The following TSEN2 variants were observed in gnomAD, a reference collection of about 807,000 sequenced individuals.
TSEN2 encodes tRNA-splicing endonuclease subunit Sen2.
In TSEN2, 54 loss-of-function variants were observed where a neutral mutation model predicts 59.2. The observed-to-expected ratio is 0.91, with a 90% CI of 0.73 to 1.14. TSEN2 has a LOEUF of 1.14. Among genes scored for constraint, TSEN2 ranks in the 50% most tolerant of loss-of-function variants. The pLI is 0.00. For synonymous variants in TSEN2, 195 were observed against 198.2 expected, an observed-to-expected ratio of 0.98 and a Z score of 0.14; for missense variants, 636 against 576.2, an observed-to-expected ratio of 1.10 and a Z score of -1.06.
downstream of TSEN2, among the ~76,000 whole-genome samples, chr3:12,536,033 C>T (rs1461659310): frequency 6.6e-6 from 1 of 152,208 alleles, no homozygotes; most frequent in Non-Finnish European, 1.5e-5. Context: ...AGTAGGTGTA[C>T]TTTTCCCCTT....
intron 1 of TSEN2, among the ~76,000 whole-genome samples, chr3:12,487,972 C>T (rs896172755): frequency 3.9e-5 from 6 of 152,120 alleles, no homozygotes; most frequent in South Asian, 4.1e-4. Flanking sequence ...TCCAACTTCC[C>T]GATTCTTCTT....
chr3:12,520,970 G>T (rs751860218), intron 8 of TSEN2, among the ~76,000 whole-genome samples: 14 of 152,090 alleles, frequency 9.2e-5, no homozygotes, highest in Non-Finnish European at 1.9e-4. Context: ...CCCAGCGTCT[G>T]TTGTTCCCTT....
intron 2 of TSEN2, among the ~76,000 whole-genome samples, chr3:12,491,729 G>C (rs892255367): frequency 7.9e-5 from 12 of 152,182 alleles, no homozygotes; most frequent in Non-Finnish European, 1.5e-4. Flanking sequence ...CGAACCTCTT[G>C]TTAACTCAGA....
downstream of TSEN2, among the ~76,000 whole-genome samples, chr3:12,536,115 G>T (rs1376501593): frequency 6.6e-6 from 1 of 152,190 alleles, no homozygotes; most frequent in East Asian, 1.9e-4. Flanking sequence ...GCCCTGGTAG[G>T]TGAGTCAGTG....
At chr3:12,526,114 G>A (rs1419038783) in intron 8 of TSEN2, among the ~76,000 whole-genome samples, 2 of 152,084 alleles carry the variant, frequency 1.3e-5, no homozygotes, top group South Asian at 2.1e-4. Context: ...CAAGGCGAAC[G>A]GATCCTTTGA....
chr3:12,517,591 A>G (rs2056262897), intron 7 of TSEN2, among the ~76,000 whole-genome samples: 1 of 152,230 alleles, frequency 6.6e-6, no homozygotes, highest in African/African-American at 2.4e-5. Flanking sequence ...TAAATGGAGC[A>G]GATAAGGTAT....
intron 10 of TSEN2, chr3:12,531,292 T>C (rs915596974): frequency 1.0e-5 from 4 of 385,616 alleles, no homozygotes; most frequent in African/African-American, 8.2e-5. Flanking sequence ...TCAAGGACAT[T>C]TGAGGACTTA....
chr3:12,526,902 A>T (rs2057128678), intron 8 of TSEN2, among the ~76,000 whole-genome samples: 1 of 152,194 alleles, frequency 6.6e-6, no homozygotes, highest in African/African-American at 2.4e-5. Context: ...TGGATTAAAG[A>T]TGTGTGTTTG....
rs749905035 is a variant in TSEN2, at chr3:12,530,453, C to G, written c.1248+580C>G. 1,277 of 985,464 alleles carry G rather than the reference C, an allele frequency of 1.3e-3. 1 individual carries two copies. Among genetic ancestry groups the G allele is most frequent in the Admixed American group, 2.2e-3 (35 of 16,270 alleles). 61.0% of individuals were successfully genotyped at this position (985,464 alleles called of 1,614,324 possible). On this transcript the variant is annotated intron_variant, in intron 10 of 11. Coordinates refer to ENST00000284995, the MANE Select transcript of TSEN2 (RefSeq NM_025265.4). The stretch of plus-strand genomic sequence containing the variant: ...TCCCTGGCTTTTGTTTCACTATATC[C>G]TTCGTGTTGCCATCAGAGATAGGAG...
rs1023588415 is a variant in TSEN2, at chr3:12,489,894, G to T, written c.94G>T (p.Gly32Cys). The T allele has an allele frequency of 1.9e-6, 3 of 1,614,084 alleles. No homozygotes were observed. Among genetic ancestry groups the T allele is most frequent in the Admixed American group, 1.7e-5 (1 of 60,022 alleles). Residue 32 changes from glycine to cysteine, a missense_variant, in exon 2 of 12, where the codon GGT becomes TGT. Physicochemically the swap from Gly to Cys is radical, Grantham distance 159. Coordinates refer to ENST00000284995, the MANE Select transcript of TSEN2 (RefSeq NM_025265.4). ...GCCAATCCCTTTTGGTCAGGACCAT[G>T]GTCCTCTGAAAGAATTCAAGATATT... ...PLPIPFGQDH[G>C]PLKEFKIFRA...
At chr3:12,529,075 C>T in intron 9 of TSEN2, 151 bp downstream of exon 9, 1 of 755,418 alleles carries the variant, frequency 1.3e-6, no homozygotes, top group South Asian at 1.4e-5. Context: ...TCCTTACACA[C>T]TAATGTCATT....
At chr3:12,519,010 G>A (rs931235425) in intron 7 of TSEN2, 49 bp from the exon 8 acceptor site, 1 of 1,600,598 alleles carries the variant, frequency 6.2e-7, no homozygotes, top group Non-Finnish European at 8.6e-7. Context: ...TGAACGGAGA[G>A]TGAATGCATA....
Position 12,519,066 on chromosome 3 carries a change from T to C in TSEN2, c.968T>C (p.Leu323Ser). The change falls in exon 8 of 12, where the codon TTA becomes TCA. Residue 323 changes from leucine (L) to serine (S), a missense_variant. Coordinates refer to ENST00000284995, the MANE Select transcript of TSEN2 (RefSeq NM_025265.4). ...CLSIYYEKEP[L>S]TIVKLWKAFT... is the part of the protein sequence containing the mutation. ...TTTTGTAAATAACTTTAGGAGCCTT[T>C]AACGATAGTGAAGCTCTGGAAAGCT... 6.2e-7 allele frequency: 1 copy of C among 1,614,220 alleles called. No individual in the cohort carries two copies. The highest frequency in any genetic ancestry group is 8.5e-7 in the Non-Finnish European group (1 of 1,180,040).
At position 12,503,716 on chromosome 3, in the gene TSEN2, C is replaced by T. The variant is rs1239271273; in HGVS notation, c.763C>T (p.His255Tyr). 1.2e-6 allele frequency: 2 copies of T among 1,613,940 alleles called. No individual in the cohort carries two copies. The highest frequency in any genetic ancestry group is 1.7e-6 in the Non-Finnish European group (2 of 1,179,912). Residue 255 changes from histidine (H) to tyrosine (Y), a missense_variant, in exon 5 of 12, where the codon CAT becomes TAT. His to Tyr is a moderately conservative substitution (Grantham distance 83). Transcript: ENST00000284995. ...LLHPGDRGPD[H>Y]EYVLVEEAEC... ...GCATCCTGGGGACAGAGGGCCTGAC[C>T]ATGAGTACGTGCTGGTCGAGGAAGC...
chr3:12,517,254 A>C (rs2056222504), intron 7 of TSEN2, among the ~76,000 whole-genome samples: 1 of 151,580 alleles, frequency 6.6e-6, no homozygotes, highest in South Asian at 2.1e-4. Context: ...GCTAATCAAG[A>C]GGCTGAGGCA....
At chr3:12,490,073 C>T in intron 2 of TSEN2, 84 bp downstream of exon 2, 1 of 1,220,440 alleles carries the variant, frequency 8.2e-7, no homozygotes, top group Non-Finnish European at 1.2e-6. Flanking sequence ...CAGCCATACC[C>T]CCACACCAAC....
At chr3:12,523,650 C>T (rs1431446490) in intron 8 of TSEN2, among the ~76,000 whole-genome samples, 1 of 150,612 alleles carries the variant, frequency 6.6e-6, no homozygotes, top group Non-Finnish European at 1.5e-5. Context: ...AACCATTCTC[C>T]TGCCTCAGCT....
chr3:12,509,493 C>T (rs1380411662), intron 6 of TSEN2, among the ~76,000 whole-genome samples: 4 of 152,186 alleles, frequency 2.6e-5, no homozygotes, highest in Admixed American at 1.3e-4. Context: ...AGCCACCACA[C>T]GCTGCCAGGC....
At chr3:12,509,060 G>T (rs2055140741) in intron 6 of TSEN2, among the ~76,000 whole-genome samples, 1 of 152,110 alleles carries the variant, frequency 6.6e-6, no homozygotes, top group Non-Finnish European at 1.5e-5. Flanking sequence ...TAATTAGCAA[G>T]ATCCAGTGAG....
Sources: gnomAD v4.1 joint callset for allele counts (sites outside exome capture counted in the v4.1 genomes callset) on GRCh38, gnomAD v4.1.1 for gene constraint, MANE v1.5 for transcripts, NCBI Gene and HGNC (gene_info 2026-07-23, HGNC 2026-07-21) for gene names.